Variants in PDE11A observed in about 807,000 individuals in gnomAD.
PDE11A encodes phosphodiesterase 11A, also known as dual 3',5'-cyclic-AMP and -GMP phosphodiesterase 11A.
In PDE11A, 100 loss-of-function variants were observed where a neutral mutation model predicts 100.5. The ratio of observed to expected loss-of-function variants is 1.00; its 90% CI spans 0.85 to 1.18. The LOEUF (loss-of-function observed/expected upper bound fraction) is 1.18, where lower values mean the gene tolerates loss of function less well. Ranked by LOEUF, PDE11A falls within the 50% of genes most tolerant of loss-of-function variation. The pLI is 0.00. For missense variants in PDE11A, 1,141 were observed against 1,152.6 expected (o/e 0.99, Z 0.15); for synonymous variants, 381 against 420.8 (o/e 0.91, Z 1.16).
At chr2:177,799,005 T>C (rs937407990) in intron 9 of PDE11A, among the ~76,000 whole-genome samples, 2 of 152,320 alleles carry the variant, frequency 1.3e-5, no homozygotes, top group Admixed American at 1.3e-4. Context: ...ATTTTGATAG[T>C]ATGTCCCCTT....
At chr2:178,060,231 C>A (rs2086950829) in intron 1 of PDE11A, among the ~76,000 whole-genome samples, 1 of 152,088 alleles carries the variant, frequency 6.6e-6, no homozygotes, top group Non-Finnish European at 1.5e-5. Context: ...AATGAGCTTC[C>A]ATTGTGTTAC....
intron 9 of PDE11A, among the ~76,000 whole-genome samples, chr2:177,790,673 A>G (rs1030681918): frequency 6.2e-4 from 95 of 152,148 alleles, no homozygotes; most frequent in South Asian, 2.3e-3. Context: ...AATCTACAAT[A>G]AACTCAAACA....
intron 12 of PDE11A, 57 bp from the exon 13 acceptor site, chr2:177,711,935 G>C: frequency 2.3e-6 from 2 of 875,638 alleles, no homozygotes; most frequent in Non-Finnish European, 3.9e-6. Flanking sequence ...GATGGATAAG[G>C]TTAGGTGCTG....
intron 9 of PDE11A, among the ~76,000 whole-genome samples, chr2:177,805,236 G>C (rs1017828272): frequency 6.6e-6 from 1 of 152,022 alleles, no homozygotes; most frequent in African/African-American, 2.4e-5. Flanking sequence ...AACCCCAGTA[G>C]AGGTTATGTC....
chr2:178,063,531 G>C (rs184869932), intron 1 of PDE11A, among the ~76,000 whole-genome samples: 17 of 152,224 alleles, frequency 1.1e-4, no homozygotes, highest in African/African-American at 3.1e-4. Context: ...CCTTTACTAG[G>C]GTCTTCAGGG....
At chr2:177,965,039 T>C (rs2085681598) in intron 2 of PDE11A, among the ~76,000 whole-genome samples, 1 of 152,198 alleles carries the variant, frequency 6.6e-6, no homozygotes, top group Non-Finnish European at 1.5e-5. Flanking sequence ...ATCTGTTATT[T>C]TTTGATGTTT....
intron 2 of PDE11A, among the ~76,000 whole-genome samples, chr2:177,937,319 C>CTTTT (rs33967413): frequency 1.0e-4 from 13 of 125,730 alleles, no homozygotes; most frequent in South Asian, 2.6e-4. Flanking sequence ...AAATTGAAAG[C>CTTTT]TTTTTTTTTT....
intron 6 of PDE11A, among the ~76,000 whole-genome samples, chr2:177,832,513 C>T (rs1030682707): frequency 1.1e-4 from 17 of 152,052 alleles, no homozygotes; most frequent in Non-Finnish European, 2.9e-5. Context: ...TATTGTAGGA[C>T]CTTGTGATCA....
At chr2:177,931,887 T>A (rs1392952996) in intron 2 of PDE11A, among the ~76,000 whole-genome samples, 4 of 79,378 alleles carry the variant, frequency 5.0e-5, no homozygotes, top group Non-Finnish European at 7.6e-5. Flanking sequence ...ATAAACAAGA[T>A]CAATAGACCA....
intron 2 of PDE11A, among the ~76,000 whole-genome samples, chr2:178,099,550 T>C (rs1574398360): frequency 6.6e-6 from 1 of 150,946 alleles, no homozygotes; most frequent in African/African-American, 2.4e-5. Flanking sequence ...CCACATGAGA[T>C]AGCACTTCAA....
chr2:177,925,713 C>T (rs968717815), intron 2 of PDE11A, among the ~76,000 whole-genome samples: 22 of 152,222 alleles, frequency 1.4e-4, no homozygotes, highest in African/African-American at 4.8e-4. Flanking sequence ...ACAAGGCAGG[C>T]GTGGGTTGGG....
At chr2:178,018,278 C>A (rs944622401) in intron 1 of PDE11A, 9 of 405,418 alleles carry the variant, frequency 2.2e-5, no homozygotes, top group African/African-American at 1.9e-4. Context: ...CTGGCTACAG[C>A]CCTCACTCTC....
In PDE11A at chr2:178,071,788, T is replaced by A; in HGVS notation, c.650A>T (p.Asp217Val). 6.2e-7 allele frequency: 1 copy of A among 1,613,476 alleles called. No homozygotes were observed. The stretch of plus-strand genomic sequence containing the variant: ...AATCTTGTAGCTCAGGCTGGTGAGG[T>A]CAAGGTCATTGGAGATATCTTTGAC... ...ELVKDISNDL[D>V]LTSLSYKILI... Residue 217 changes from aspartate to valine, a missense_variant, in exon 1 of 20, where the codon GAC becomes GTC. Coordinates refer to ENST00000286063, the MANE Select transcript of PDE11A (RefSeq NM_016953.4).
chr2:177,663,757 G>A (rs962293353), intron 19 of PDE11A, 109 bp downstream of exon 19: 33 of 744,982 alleles, frequency 4.4e-5, no homozygotes, highest in Non-Finnish European at 7.8e-5. Flanking sequence ...AGAGCTCTCC[G>A]CAATGTGCAT....
chr2:178,033,747 A>G (rs1333744380), intron 1 of PDE11A, among the ~76,000 whole-genome samples: 1 of 151,722 alleles, frequency 6.6e-6, no homozygotes, highest in African/African-American at 2.4e-5. Context: ...GCCAATATTC[A>G]ACATTCTTAA....
chr2:177,682,259 C>T (rs551268509), intron 15 of PDE11A, among the ~76,000 whole-genome samples: 3 of 152,256 alleles, frequency 2.0e-5, no homozygotes, highest in Non-Finnish European at 2.9e-5. Context: ...CAAGATGTTC[C>T]GCCTTTCCTG....
intron 2 of PDE11A, among the ~76,000 whole-genome samples, chr2:177,933,325 T>C (rs1196605884): frequency 6.6e-6 from 1 of 152,068 alleles, no homozygotes; most frequent in African/African-American, 2.4e-5. Flanking sequence ...TGGAAAAAAC[T>C]AGGCTAAAAT....
chr2:177,982,934 G>C lies in PDE11A; in HGVS notation c.1071+31368C>G. Among the ~76,000 whole-genome samples, 2 of 150,268 alleles carry C rather than the reference G, an allele frequency of 1.3e-5. 1 individual carries two copies. The highest frequency in any genetic ancestry group is 3.0e-5 in the Non-Finnish European group (2 of 67,074). ...ATCTCTACTAAAAATACAAAAATTA[G>C]CCAGACGGGGTGGCACACACCGGTA... is the stretch of plus-strand genomic sequence containing the variant. On this transcript the variant is annotated intron_variant, in intron 2 of 19. Coordinates refer to ENST00000286063, the MANE Select transcript of PDE11A (RefSeq NM_016953.4).
At chr2:177,727,920 G>A in intron 11 of PDE11A, 106 bp downstream of exon 11, 1 of 1,075,414 alleles carries the variant, frequency 9.3e-7, no homozygotes, top group Non-Finnish European at 1.4e-6. Flanking sequence ...AGGTGTGCAG[G>A]GCAGGGATTA....
Sources: allele counts gnomAD v4.1 joint callset (sites outside exome capture counted in the v4.1 genomes callset), GRCh38; gene constraint gnomAD v4.1.1; transcripts MANE v1.5; gene names NCBI Gene and HGNC (gene_info 2026-07-23, HGNC 2026-07-21).